Variants in ETV6 observed in about 807,000 individuals in gnomAD.
The protein encoded by ETV6 is transcription factor ETV6.
Under a neutral mutation model 51.1 loss-of-function variants are expected in ETV6, and 16 were observed. The observed-to-expected ratio is 0.31, with a 90% confidence interval of 0.21 to 0.48. The LOEUF is 0.48. Ranked by LOEUF, ETV6 falls within the 20% of genes least tolerant of loss-of-function variation. ETV6 has a pLI of 0.99. For synonymous variants in ETV6, 240 were observed against 224.1 expected (o/e 1.07, Z -0.64); for missense variants, 458 against 594.8 (o/e 0.77, Z 2.39).
chr12:11,781,534 AC>A (rs1161539404), intron 2 of ETV6, among the ~76,000 whole-genome samples: 2 of 152,366 alleles, frequency 1.3e-5, no homozygotes, highest in Non-Finnish European at 2.9e-5. Context: ...TGAAACAGTT[AC>A]TTTAACAGTA....
intron 3 of ETV6, among the ~76,000 whole-genome samples, chr12:11,852,774 C>G (rs1047898818): frequency 2.0e-5 from 3 of 152,090 alleles, no homozygotes; most frequent in African/African-American, 7.2e-5. Flanking sequence ...GGATACTCAA[C>G]TATTAAAAGC....
chr12:11,796,046 T>C (rs1329757521), intron 2 of ETV6, among the ~76,000 whole-genome samples: 1 of 152,150 alleles, frequency 6.6e-6, no homozygotes, highest in Non-Finnish European at 1.5e-5. Flanking sequence ...ATTCCCTCAC[T>C]GATGAAGCTC....
At chr12:11,840,665 A>T (rs1433485577) in intron 3 of ETV6, 1 of 342,976 alleles carries the variant, frequency 2.9e-6, no homozygotes, top group Non-Finnish European at 5.8e-6. Flanking sequence ...GTTGCCACAG[A>T]CCGTTTATAT....
intron 5 of ETV6, among the ~76,000 whole-genome samples, chr12:11,874,896 T>C (rs1423969735): frequency 9.0e-6 from 1 of 111,368 alleles, no homozygotes; most frequent in African/African-American, 3.6e-5. Flanking sequence ...GGTCCTGTTA[T>C]GGGGTCGGGG....
At chr12:11,849,891 T>G (rs761464939) in intron 3 of ETV6, among the ~76,000 whole-genome samples, 4 of 152,164 alleles carry the variant, frequency 2.6e-5, no homozygotes, top group Non-Finnish European at 5.9e-5. Flanking sequence ...ATGCTCACAG[T>G]GCACGCACAG....
intron 1 of ETV6, among the ~76,000 whole-genome samples, chr12:11,685,437 A>G (rs1027214075): frequency 2.0e-5 from 3 of 151,850 alleles, no homozygotes; most frequent in Admixed American, 6.6e-5. Flanking sequence ...ACAGAGCTCT[A>G]TTTTCTGCTG....
chr12:11,807,469 C>A (rs983069966), intron 2 of ETV6, among the ~76,000 whole-genome samples: 2 of 152,158 alleles, frequency 1.3e-5, no homozygotes, highest in Non-Finnish European at 2.9e-5. Context: ...TTTAAGTTTT[C>A]AGGGCTCATT....
intron 3 of ETV6, among the ~76,000 whole-genome samples, chr12:11,852,955 G>C (rs1055744812): frequency 1.3e-5 from 2 of 152,184 alleles, no homozygotes; most frequent in Admixed American, 6.5e-5. Context: ...GGGAGGCCTA[G>C]GCGAGTGGAT....
intron 5 of ETV6, among the ~76,000 whole-genome samples, chr12:11,882,464 C>G (rs1172576058): frequency 6.6e-6 from 1 of 152,148 alleles, no homozygotes; most frequent in East Asian, 1.9e-4. Flanking sequence ...CTGTGTCCTC[C>G]TGAGTAAATC....
intron 1 of ETV6, among the ~76,000 whole-genome samples, chr12:11,701,481 T>A (rs372022529): frequency 6.6e-6 from 1 of 152,232 alleles, no homozygotes; most frequent in Non-Finnish European, 1.5e-5. Context: ...AGCCATTGTC[T>A]TAAGACTCAA....
chr12:11,888,805 C>T (rs1947244814), intron 7 of ETV6, among the ~76,000 whole-genome samples: 1 of 152,164 alleles, frequency 6.6e-6, no homozygotes, highest in Non-Finnish European at 1.5e-5. Context: ...GGGCTCAAGC[C>T]ATCCTCCTGC....
At chr12:11,677,747 C>T (rs1864448293) in intron 1 of ETV6, among the ~76,000 whole-genome samples, 1 of 152,300 alleles carries the variant, frequency 6.6e-6, no homozygotes, top group African/African-American at 2.4e-5. Flanking sequence ...AATTACTGGA[C>T]CTCTTTAAAC....
rs75161116 is a variant in ETV6, at chr12:11,800,733, G to T, written c.164-38407G>T. On this transcript the variant is annotated intron_variant, in intron 2 of 7. Transcript: ENST00000396373. ...AATGTAAAATATTCTTCATGAGAAT[G>T]AAGTTACCCCCCCAGAAAGGGGGAC... Among the ~76,000 whole-genome samples, 477 of 152,196 alleles carry T rather than the reference G, an allele frequency of 3.1e-3. 2 individuals are homozygous for T. Among genetic ancestry groups the T allele is most frequent in the African/African-American group, 0.011 (442 of 41,500 alleles).
At chr12:11,805,721 G>A (rs762947435) in intron 2 of ETV6, among the ~76,000 whole-genome samples, 1 of 152,224 alleles carries the variant, frequency 6.6e-6, no homozygotes, top group East Asian at 1.9e-4. Flanking sequence ...CTGTGGAAAA[G>A]CAGAGTGACA....
At chr12:11,750,815 T>TTC in intron 1 of ETV6, 1 of 433,956 alleles carries the variant, frequency 2.3e-6, no homozygotes, top group Non-Finnish European at 4.4e-6. Flanking sequence ...TTTTTTTTTT[T>TTC]TTGCTTTTTT....
chr12:11,851,711 C>T (rs1946558439), intron 3 of ETV6, among the ~76,000 whole-genome samples: 1 of 152,126 alleles, frequency 6.6e-6, no homozygotes, highest in South Asian at 2.1e-4. Context: ...AGTCATGATA[C>T]TAAGTAGTGG....
chr12:11,652,260 G>A (rs1180411753), intron 1 of ETV6, among the ~76,000 whole-genome samples: 1 of 152,160 alleles, frequency 6.6e-6, no homozygotes, highest in Non-Finnish European at 1.5e-5. Context: ...CTAGGTGAAC[G>A]TATGTGAAGA....
chr12:11,757,942 C>T (rs1188026279), intron 2 of ETV6, among the ~76,000 whole-genome samples: 2 of 152,184 alleles, frequency 1.3e-5, no homozygotes, highest in Admixed American at 6.5e-5. Flanking sequence ...CGTTTGTTCT[C>T]TTGCGAGCTC....
chr12:11,850,258 G>A (rs1044576178), intron 3 of ETV6, among the ~76,000 whole-genome samples: 9 of 152,116 alleles, frequency 5.9e-5, no homozygotes, highest in African/African-American at 9.7e-5. Context: ...CTTGGCCAGC[G>A]TCAGTATGGG....
Sources: allele counts gnomAD v4.1 joint callset (sites outside exome capture counted in the v4.1 genomes callset), GRCh38; gene constraint gnomAD v4.1.1; transcripts MANE v1.5; gene names NCBI Gene and HGNC (gene_info 2026-07-23, HGNC 2026-07-21).